Variants in GON4L observed in about 807,000 individuals in gnomAD.
The protein encoded by GON4L is gon-4 like, also known as GON-4-like protein.
In GON4L, 87 loss-of-function variants were observed where a neutral mutation model predicts 211.8. The observed-to-expected ratio is 0.41, with a 90% CI of 0.35 to 0.49. The LOEUF (loss-of-function observed/expected upper bound fraction) is 0.49. Ranked by LOEUF, GON4L falls within the 20% of genes least tolerant of loss-of-function variation. GON4L has a pLI of 0.15. For missense variants in GON4L, 2,155 were observed against 2,659.5 expected (o/e 0.81, Z 4.17); for synonymous variants, 875 against 962.6 (o/e 0.91, Z 1.68).
In GON4L at chr1:155,752,597, A is replaced by T; in HGVS notation, c.5843-7T>A. ...CTCCCCACTGCCAATCCTGCTTAGG[A>T]GGAAAATAAGGATCTCAGGGTACTG... On this transcript the variant is annotated splice_region_variant and splice_polypyrimidine_tract_variant and intron_variant, in intron 29 of 31. Transcript: ENST00000368331. 6.4e-7 allele frequency: 1 copy of T among 1,572,372 alleles called. No individual in the cohort carries two copies. The highest frequency in any genetic ancestry group is 8.6e-7 in the Non-Finnish European group (1 of 1,158,490).
chr1:155,837,335 G>A (rs973821266), intron 2 of GON4L, among the ~76,000 whole-genome samples: 1 of 152,022 alleles, frequency 6.6e-6, no homozygotes, highest in African/African-American at 2.4e-5. Context: ...TCCACTGATG[G>A]GTGAGTTCTC....
intron 10 of GON4L, among the ~76,000 whole-genome samples, chr1:155,810,922 G>A (rs983682006): frequency 2.0e-5 from 3 of 151,194 alleles, no homozygotes; most frequent in East Asian, 2.0e-4. Flanking sequence ...GCTGAGGCAC[G>A]AGAACTGCTT....
chr1:155,837,184 GTCTT>G (rs59245515), intron 2 of GON4L, among the ~76,000 whole-genome samples: 130,988 of 151,760 alleles, frequency 0.86, 58,030 homozygotes, highest in East Asian at 1. Context: ...GTCTCTTCCT[GTCTT>G]TCTTTCTGCT....
At chr1:155,774,589 G>T (rs1290797138) in intron 17 of GON4L, among the ~76,000 whole-genome samples, 1 of 152,106 alleles carries the variant, frequency 6.6e-6, no homozygotes, top group Non-Finnish European at 1.5e-5. Context: ...TTACAGGCGT[G>T]AGCCACCGCG....
chr1:155,853,637 G>A lies in GON4L; in HGVS notation c.144C>T (p.Ser48=), dbSNP rs764640620. ...CTACTCTGCCATGACTTGGATCCCAGGATAGTGACACCGAACTCAAGTCCT... is the reference window on the plus strand; with the variant it reads ...CTACTCTGCCATGACTTGGATCCCAAGATAGTGACACCGAACTCAAGTCCT... ...QVKDLSSVSL[S]WDPSHGRVAG... Residue 48 remains serine (S), a synonymous_variant, in exon 2 of 32, where the codon TCC becomes TCT. Transcript: ENST00000368331. 2.1e-5 allele frequency: 34 copies of A among 1,614,004 alleles called. No homozygotes were observed. The South Asian group carries it at 3.2e-4, about 15-fold the overall frequency.
Position 155,853,738 on chromosome 1 carries a change from G to C in GON4L, c.43C>G (p.Leu15Val), listed in dbSNP as rs1672023150. Reference sequence around the variant, plus strand: ...TCCTCTTGATTGCCTTTATGCTGTAGGGACTCTGTCACTGTAGTTCTTCTC... The same window carrying C: ...TCCTCTTGATTGCCTTTATGCTGTACGGACTCTGTCACTGTAGTTCTTCTC... ...KKRRTTVTES[L>V]QHKGNQEENN... The change falls in exon 2 of 32, where the codon CTA becomes GTA. Residue 15 changes from leucine to valine, a missense_variant. Transcript: ENST00000368331. 2.5e-6 allele frequency: 4 copies of C among 1,613,130 alleles called. No homozygotes were observed. Among genetic ancestry groups the C allele is most frequent in the Non-Finnish European group, 3.4e-6 (4 of 1,179,202 alleles).
chr1:155,834,999 G>A (rs1356850116), intron 2 of GON4L, among the ~76,000 whole-genome samples: 6 of 152,036 alleles, frequency 3.9e-5, no homozygotes, highest in African/African-American at 9.7e-5. Flanking sequence ...CATTGAGAAC[G>A]GGCCATGATG....
rs190514698 is a variant in GON4L, at chr1:155,751,195, T to G, written c.6577-462A>C. 5.8e-4 allele frequency among the ~76,000 whole-genome samples: 89 copies of G among 152,316 alleles called. 1 individual carries two copies. Among genetic ancestry groups the G allele is most frequent in the Admixed American group, 1.5e-3 (23 of 15,290 alleles). ...AGATAAGGAAACTCAAGAGGCTAAA[T>G]GTTTTGCCCAAAGTCACACAACTCC... On this transcript the variant is annotated intron_variant, in intron 31 of 31. Transcript: ENST00000368331.
chr1:155,797,913 A>G (rs1203892405), intron 11 of GON4L, among the ~76,000 whole-genome samples: 1 of 150,536 alleles, frequency 6.6e-6, no homozygotes, highest in Non-Finnish European at 1.5e-5. Context: ...ACCAATCTCT[A>G]CAAATGACTT....
At chr1:155,775,830 G>A (rs1454662737) in intron 16 of GON4L, among the ~76,000 whole-genome samples, 1 of 151,972 alleles carries the variant, frequency 6.6e-6, no homozygotes, top group Non-Finnish European at 1.5e-5. Flanking sequence ...TGCTGCCCAG[G>A]CTTGAGTGCA....
chr1:155,771,032 G>A (rs1430913740), intron 19 of GON4L, 35 bp downstream of exon 19: 3 of 1,613,878 alleles, frequency 1.9e-6, no homozygotes, highest in Non-Finnish European at 2.5e-6. Context: ...ACATATTGGT[G>A]AGGTGCCCGG....
Position 155,765,896 on chromosome 1 carries a change from G to A in GON4L, c.3577C>T (p.Pro1193Ser). 4 of 1,614,170 alleles carry A rather than the reference G, an allele frequency of 2.5e-6. No homozygotes were observed. Among genetic ancestry groups the A allele is most frequent in the Non-Finnish European group, 2.5e-6 (3 of 1,180,034 alleles). Reference sequence around the variant, plus strand: ...GAGGCCACAAGGGACTGGTTCAATGGACAGGGGAAGGAAGTAGGGTTAACC... The same window carrying A: ...GAGGCCACAAGGGACTGGTTCAATGAACAGGGGAAGGAAGTAGGGTTAACC... ...LLVNPTSFPC[P>S]LNQSLVASSV... Residue 1193 changes from proline to serine, a missense_variant, in exon 21 of 32, where the codon CCA (proline) becomes TCA (serine). Transcript: ENST00000368331.
At chr1:155,842,406 C>T (rs1302500981) in intron 2 of GON4L, among the ~76,000 whole-genome samples, 1 of 151,656 alleles carries the variant, frequency 6.6e-6, no homozygotes, top group Non-Finnish European at 1.5e-5. Context: ...CACCTGTAGT[C>T]CCAGCTACTC....
In GON4L at chr1:155,766,041, G is replaced by A. The variant is rs138232256; in HGVS notation, c.3432C>T (p.Ile1144=). The A allele has an allele frequency of 6.2e-7, 1 of 1,614,202 alleles. No individual in the cohort carries two copies. The highest frequency in any genetic ancestry group is 2.2e-5 in the East Asian group (1 of 44,882). Residue 1144 remains isoleucine (I), a synonymous_variant, in exon 21 of 32, where the codon ATC becomes ATT. Transcript: ENST00000368331. The part of the protein sequence containing the change: ...APVIHHPASV[I]FTVPATTVKI... ...TCACAGTGGTAGCAGGAACAGTGAAGATAACAGATGCAGGGTGGTGGATAA... is the reference window on the plus strand; with the variant it reads ...TCACAGTGGTAGCAGGAACAGTGAAAATAACAGATGCAGGGTGGTGGATAA...
intron 2 of GON4L, 55 bp from the exon 3 acceptor site, chr1:155,827,083 T>C: frequency 1.5e-6 from 2 of 1,296,534 alleles, no homozygotes; most frequent in Non-Finnish European, 2.2e-6. Flanking sequence ...TCATACTCTG[T>C]TGTAGAATTT....
chr1:155,747,926 G>T (rs1267106754), downstream of GON4L: 2 of 1,557,382 alleles, frequency 1.3e-6, no homozygotes, highest in Non-Finnish European at 1.7e-6. Flanking sequence ...GTAAACATTC[G>T]AATCCCATTG....
intron 1 of GON4L, among the ~76,000 whole-genome samples, chr1:155,855,420 G>A (rs1450515382): frequency 6.6e-6 from 1 of 151,804 alleles, no homozygotes; most frequent in South Asian, 2.1e-4. Flanking sequence ...GCAGTGGCAC[G>A]AACATAGTTC....
intron 6 of GON4L, among the ~76,000 whole-genome samples, chr1:155,819,265 T>C (rs1171123617): frequency 2.7e-5 from 4 of 150,870 alleles, no homozygotes; most frequent in Admixed American, 1.3e-4. Context: ...ATTGTGCCAC[T>C]GCACTCCAGC....
chr1:155,823,262 C>T (rs970328017), intron 3 of GON4L, among the ~76,000 whole-genome samples: 1 of 152,088 alleles, frequency 6.6e-6, no homozygotes, highest in East Asian at 1.9e-4. Context: ...TCATCAGATA[C>T]ATTTTATTTT....
Sources: allele counts gnomAD v4.1 joint callset (sites outside exome capture counted in the v4.1 genomes callset), GRCh38; gene constraint gnomAD v4.1.1; transcripts MANE v1.5; gene names NCBI Gene and HGNC (gene_info 2026-07-23, HGNC 2026-07-21).